Variants in DLG2 observed in about 807,000 individuals in gnomAD.
The protein encoded by DLG2 is discs large MAGUK scaffold protein 2.
In DLG2, 45 loss-of-function variants were observed where a neutral mutation model predicts 132.5. The ratio of observed to expected loss-of-function variants is 0.34; its 90% CI spans 0.27 to 0.44. The LOEUF is 0.44. DLG2 is among the 20% of genes least tolerant of loss of function. The pLI is 1.00. For missense variants in DLG2, 1,045 were observed against 1,196.9 expected (o/e 0.87, Z 1.87); for synonymous variants, 424 against 419.6 (o/e 1.01, Z -0.13).
At chr11:85,115,721 C>T (rs1436741174) in intron 5 of DLG2, among the ~76,000 whole-genome samples, 2 of 151,812 alleles carry the variant, frequency 1.3e-5, no homozygotes, top group African/African-American at 2.4e-5. Flanking sequence ...AAGAAGAGGG[C>T]GTTACAGGCT....
At chr11:83,901,452 T>G (rs1286773301) in intron 15 of DLG2, among the ~76,000 whole-genome samples, 1 of 151,930 alleles carries the variant, frequency 6.6e-6, no homozygotes, top group African/African-American at 2.4e-5. Context: ...ATCATGGGGG[T>G]GGGTCTTTCC....
At chr11:85,126,372 G>C (rs2075114759) in intron 5 of DLG2, among the ~76,000 whole-genome samples, 1 of 152,070 alleles carries the variant, frequency 6.6e-6, no homozygotes, top group African/African-American at 2.4e-5. Context: ...GATGTTGTTG[G>C]GTTTGTGTAT....
At chr11:84,950,402 GAT>G (rs200289449) in intron 6 of DLG2, among the ~76,000 whole-genome samples, 2,992 of 152,174 alleles carry the variant, frequency 0.02, 56 homozygotes, top group Admixed American at 0.043. Context: ...TTTGAAAATA[GAT>G]ATAACACAGA....
chr11:83,466,691 C>T lies in DLG2; in HGVS notation c.2729+17G>A, dbSNP rs1591310863. The T allele has an allele frequency of 6.8e-7, 1 of 1,474,814 alleles. No individual in the cohort carries two copies. Among genetic ancestry groups the T allele is most frequent in the East Asian group, 2.3e-5 (1 of 44,188 alleles). The allele number at this position is 1,474,814 out of a possible 1,614,324, so 91.4% of individuals were successfully genotyped here. On this transcript the variant is annotated intron_variant, in intron 26 of 27. Coordinates refer to ENST00000376104, the MANE Select transcript of DLG2 (RefSeq NM_001142699.3). ...AGGGAGTCAGTTGGATGAAGGCCTC[C>T]AATGCCCTCTACTCACATAAGAGGT...
At chr11:84,302,180 G>A (rs532684899) in intron 7 of DLG2, among the ~76,000 whole-genome samples, 16 of 152,104 alleles carry the variant, frequency 1.1e-4, no homozygotes, top group African/African-American at 3.6e-4. Flanking sequence ...GGGGAACATC[G>A]CACACTGAGG....
At chr11:83,587,998 C>G (rs371531191) in intron 19 of DLG2, among the ~76,000 whole-genome samples, 1 of 152,160 alleles carries the variant, frequency 6.6e-6, no homozygotes, top group Non-Finnish European at 1.5e-5. Context: ...CCTAAGCCCA[C>G]GGAGTCGCCT....
intron 18 of DLG2, among the ~76,000 whole-genome samples, chr11:83,653,778 C>G (rs1052575329): frequency 2.0e-5 from 3 of 151,902 alleles, no homozygotes; most frequent in East Asian, 1.9e-4. Context: ...GCTGGAGTGC[C>G]GTGGCACGAT....
intron 6 of DLG2, among the ~76,000 whole-genome samples, chr11:85,073,488 T>C (rs925831674): frequency 6.6e-6 from 1 of 151,842 alleles, no homozygotes; most frequent in African/African-American, 2.4e-5. Flanking sequence ...CCAGAGTTCC[T>C]AGTAATAAAT....
chr11:83,566,956 A>C (rs1273632041), intron 19 of DLG2, among the ~76,000 whole-genome samples: 1 of 152,156 alleles, frequency 6.6e-6, no homozygotes, highest in Non-Finnish European at 1.5e-5. Flanking sequence ...AAAGTACACA[A>C]ATTTATTTTA....
chr11:85,306,730 G>A (rs148471082), intron 3 of DLG2, among the ~76,000 whole-genome samples: 5,325 of 152,118 alleles, frequency 0.035, 142 homozygotes, highest in Admixed American at 0.048. Context: ...CCACCACCAC[G>A]CCCGGCTAAT....
At chr11:83,522,187 A>G (rs931249184) in intron 21 of DLG2, among the ~76,000 whole-genome samples, 1 of 152,112 alleles carries the variant, frequency 6.6e-6, no homozygotes, top group Non-Finnish European at 1.5e-5. Flanking sequence ...CTAAAATGCT[A>G]CCTTTTCTTC....
chr11:83,782,627 G>T (rs148777617), intron 18 of DLG2, among the ~76,000 whole-genome samples: 123 of 152,304 alleles, frequency 8.1e-4, no homozygotes, highest in African/African-American at 2.9e-3. Context: ...CTGGGTAGAG[G>T]ATTCCACAGA....
At chr11:84,734,339 G>C (rs1460012724) in intron 6 of DLG2, among the ~76,000 whole-genome samples, 1 of 152,122 alleles carries the variant, frequency 6.6e-6, no homozygotes, top group East Asian at 1.9e-4. Context: ...AGTTCTCCTT[G>C]AAGAGTTCCT....
At chr11:83,580,885 TCTCCCCTCCCTTCCC>T (rs1291010381) in intron 19 of DLG2, among the ~76,000 whole-genome samples, 26 of 102,520 alleles carry the variant, frequency 2.5e-4, no homozygotes, top group Non-Finnish European at 4.9e-4. Context: ...TCTCCCCTCC[TCTCCCCTCCCTTCCC>T]CTCCCCTCCC....
chr11:84,918,544 A>T (rs1298262598), intron 6 of DLG2, among the ~76,000 whole-genome samples: 1 of 152,198 alleles, frequency 6.6e-6, no homozygotes, highest in African/African-American at 2.4e-5. Flanking sequence ...GGTGTTTGGA[A>T]AAGAGCAATT....
intron 7 of DLG2, among the ~76,000 whole-genome samples, chr11:84,255,216 T>C (rs2097448225): frequency 6.6e-6 from 1 of 152,254 alleles, no homozygotes; most frequent in South Asian, 2.1e-4. Context: ...ATGACTAGTT[T>C]GATCTAGTTT....
chr11:83,860,997 C>G lies in DLG2; in HGVS notation c.1565+13423G>C, dbSNP rs763409101. Reference sequence around the variant, plus strand: ...CCTTCCACCATGATTGTGAGGCCTTCCCACCCGTTAAACCTCTTTTTCTGC... The same window carrying G: ...CCTTCCACCATGATTGTGAGGCCTTGCCACCCGTTAAACCTCTTTTTCTGC... On this transcript the variant is annotated intron_variant, in intron 16 of 27. Coordinates refer to ENST00000376104, the MANE Select transcript of DLG2 (RefSeq NM_001142699.3). 2.0e-5 allele frequency among the ~76,000 whole-genome samples: 3 copies of G among 152,164 alleles called. No individual in the cohort carries two copies. In the East Asian group the frequency reaches 5.8e-4, roughly 29 times the overall value.
chr11:85,319,894 T>C (rs1233731476), intron 3 of DLG2, among the ~76,000 whole-genome samples: 1 of 151,916 alleles, frequency 6.6e-6, no homozygotes, highest in Non-Finnish European at 1.5e-5. Context: ...AGATCTTAAA[T>C]TACTCCTAAG....
intron 3 of DLG2, among the ~76,000 whole-genome samples, chr11:85,462,654 G>A (rs181615043): frequency 6.6e-6 from 1 of 152,062 alleles, no homozygotes; most frequent in Non-Finnish European, 1.5e-5. Context: ...CCTGTTGTGG[G>A]GTGGGGGGAG....
Sources: allele counts gnomAD v4.1 joint callset (sites outside exome capture counted in the v4.1 genomes callset), GRCh38; gene constraint gnomAD v4.1.1; transcripts MANE v1.5; gene names NCBI Gene and HGNC (gene_info 2026-07-23, HGNC 2026-07-21).